Variants in PTPRD observed in about 807,000 individuals in gnomAD.
PTPRD encodes the protein protein tyrosine phosphatase receptor type D, also known as receptor-type tyrosine-protein phosphatase delta.
Under a neutral mutation model 214.5 loss-of-function variants are expected in PTPRD, and 34 were observed. The observed-to-expected ratio is 0.16, with a 90% CI of 0.12 to 0.21. The LOEUF is 0.21. Among genes scored for constraint, PTPRD ranks in the 10% least tolerant of loss-of-function variants. The probability of loss-of-function intolerance (pLI) is 1.00; values close to 1 mark genes in which losing one functional copy is unlikely to be tolerated. For missense variants in PTPRD, 2,545 were observed against 2,398.7 expected (o/e 1.06, Z -1.27); for synonymous variants, 1,128 against 845.7 (o/e 1.33, Z -5.79).
chr9:10,310,578 A>T (rs182750528), intron 3 of PTPRD, among the ~76,000 whole-genome samples: 139 of 152,212 alleles, frequency 9.1e-4, no homozygotes, highest in African/African-American at 3.1e-3. Context: ...GAGTTAGAAA[A>T]AAAAATGTAA....
intron 2 of PTPRD, among the ~76,000 whole-genome samples, chr9:10,573,375 A>T (rs900750522): frequency 1.3e-5 from 2 of 152,180 alleles, no homozygotes; most frequent in African/African-American, 4.8e-5. Flanking sequence ...GAAGGTCGCA[A>T]ATTTATTTCT....
chr9:9,035,596 T>G (rs187108350), intron 10 of PTPRD, among the ~76,000 whole-genome samples: 1 of 146,266 alleles, frequency 6.8e-6, no homozygotes, highest in African/African-American at 2.5e-5. Context: ...ATACACCCAG[T>G]TAGCTAACAT....
At chr9:9,584,361 T>TTATTATTATTATTATTATTATTAG (rs1429842013) in intron 7 of PTPRD, among the ~76,000 whole-genome samples, 2 of 150,586 alleles carry the variant, frequency 1.3e-5, no homozygotes, top group African/African-American at 4.9e-5. Flanking sequence ...TTCATCACCA[T>TTATTATTATTATTATTATTATTAG]TATTATTATT....
intron 2 of PTPRD, among the ~76,000 whole-genome samples, chr9:10,557,359 T>C (rs1227608969): frequency 6.6e-6 from 1 of 152,126 alleles, no homozygotes; most frequent in Admixed American, 6.6e-5. Flanking sequence ...TGAATACCTG[T>C]CTCCAACGCA....
chr9:10,569,060 TCAAA>T (rs1310703686), intron 2 of PTPRD, among the ~76,000 whole-genome samples: 1 of 151,778 alleles, frequency 6.6e-6, no homozygotes, highest in East Asian at 1.9e-4. Context: ...TACCATGAAC[TCAAA>T]CAAATTTACA....
chr9:10,014,110 G>C (rs966015299), intron 4 of PTPRD, among the ~76,000 whole-genome samples: 3 of 151,918 alleles, frequency 2.0e-5, no homozygotes, highest in Non-Finnish European at 4.4e-5. Context: ...TATCGTAAAA[G>C]ACTAGAGAGT....
At chr9:9,038,493 C>T (rs1469436204) in intron 10 of PTPRD, among the ~76,000 whole-genome samples, 3 of 151,400 alleles carry the variant, frequency 2.0e-5, no homozygotes, top group Non-Finnish European at 4.4e-5. Flanking sequence ...TGTACACAAA[C>T]ACAATTCTTC....
At chr9:9,642,440 G>A (rs1406803909) in intron 7 of PTPRD, among the ~76,000 whole-genome samples, 2 of 152,158 alleles carry the variant, frequency 1.3e-5, no homozygotes, top group Non-Finnish European at 2.9e-5. Context: ...AATCACTTAT[G>A]TCTTTAGATG....
intron 7 of PTPRD, among the ~76,000 whole-genome samples, chr9:9,655,642 G>A (rs546724669): frequency 7.9e-4 from 119 of 150,552 alleles, no homozygotes; most frequent in African/African-American, 2.9e-3. Context: ...AACCAAACCG[G>A]AAAAACACCT....
chr9:8,978,448 G>A (rs1235296944), intron 11 of PTPRD, among the ~76,000 whole-genome samples: 1 of 152,054 alleles, frequency 6.6e-6, no homozygotes, highest in Non-Finnish European at 1.5e-5. Flanking sequence ...TGAACTATTG[G>A]GAAACTATGA....
At chr9:9,785,635 T>G (rs1317621116) in intron 5 of PTPRD, among the ~76,000 whole-genome samples, 3 of 151,990 alleles carry the variant, frequency 2.0e-5, no homozygotes, top group Non-Finnish European at 4.4e-5. Context: ...ACTAAGGAAA[T>G]GGAGCATTTA....
rs568457851 is a variant in PTPRD, at chr9:10,037,886, AT to A, written c.-544-4097del. Among the ~76,000 whole-genome samples, 20 of 152,254 alleles carry A rather than the reference AT, an allele frequency of 1.3e-4. No individual in the cohort carries two copies. The South Asian group carries it at 3.3e-3, about 25-fold the overall frequency. On this transcript the variant is annotated intron_variant, in intron 3 of 45. Transcript: ENST00000381196. ...AGCTCTTATAGGCTTTGCATCCTAC[AT>A]AGTTATTATGTTCTTCATTTTATTT...
At chr9:8,484,617 C>CATAT (rs146338445) in intron 29 of PTPRD, among the ~76,000 whole-genome samples, 1 of 147,748 alleles carries the variant, frequency 6.8e-6, no homozygotes, top group Non-Finnish European at 1.5e-5. Context: ...TAGATATATA[C>CATAT]ATATATATAT....
chr9:9,875,009 C>T lies in PTPRD; in HGVS notation c.-368+63498G>A, dbSNP rs2066457713. On this transcript the variant is annotated intron_variant, in intron 5 of 45. Coordinates refer to ENST00000381196, the MANE Select transcript of PTPRD (RefSeq NM_002839.4). ...AAAGAGCACAATCACTTGTTTCCTG[C>T]TACAAAGGATTCTGAGAATGATTAG... 2.6e-5 allele frequency among the ~76,000 whole-genome samples: 4 copies of T among 152,230 alleles called. No individual in the cohort carries two copies. The South Asian group carries it at 8.3e-4, about 32-fold the overall frequency.
At chr9:8,353,930 GTGTGTACA>G (rs1564202330) in intron 39 of PTPRD, among the ~76,000 whole-genome samples, 4 of 99,076 alleles carry the variant, frequency 4.0e-5, no homozygotes, top group East Asian at 2.4e-4. Flanking sequence ...ATATATATGT[GTGTGTACA>G]TATATATATA....
intron 35 of PTPRD, among the ~76,000 whole-genome samples, chr9:8,406,601 G>A (rs2093004754): frequency 6.6e-6 from 1 of 152,172 alleles, no homozygotes; most frequent in Non-Finnish European, 1.5e-5. Flanking sequence ...ACCTGGCTCA[G>A]TAAATGGTCC....
intron 4 of PTPRD, among the ~76,000 whole-genome samples, chr9:10,016,049 G>C (rs1490115076): frequency 6.6e-6 from 1 of 151,946 alleles, no homozygotes; most frequent in Non-Finnish European, 1.5e-5. Context: ...GACTCCTATT[G>C]GTCTTTGTCC....
At chr9:8,672,071 T>A (rs1309894528) in intron 12 of PTPRD, among the ~76,000 whole-genome samples, 1 of 152,210 alleles carries the variant, frequency 6.6e-6, no homozygotes, top group East Asian at 1.9e-4. Flanking sequence ...TCCTCATACA[T>A]GTGTTAAATT....
chr9:9,915,083 C>G (rs549430795), intron 5 of PTPRD, among the ~76,000 whole-genome samples: 2 of 152,284 alleles, frequency 1.3e-5, no homozygotes, highest in South Asian at 4.1e-4. Flanking sequence ...CACAAACTCT[C>G]TTAGCATAGG....
Sources: allele counts gnomAD v4.1 joint callset (sites outside exome capture counted in the v4.1 genomes callset), GRCh38; gene constraint gnomAD v4.1.1; transcripts MANE v1.5; gene names NCBI Gene and HGNC (gene_info 2026-07-23, HGNC 2026-07-21).